MPRIP: variants seen among roughly 807,000 people sequenced by gnomAD.
The protein encoded by MPRIP is myosin phosphatase Rho-interacting protein.
Under a neutral mutation model 234.9 loss-of-function variants are expected in MPRIP, and 59 were observed. The observed-to-expected ratio is 0.25, with a 90% CI of 0.20 to 0.31. The LOEUF is 0.31. MPRIP is among the 10% of genes least tolerant of loss of function. The probability of loss-of-function intolerance (pLI) is 1.00; values close to 1 mark genes in which losing one functional copy is unlikely to be tolerated. For missense variants in MPRIP, 2,436 were observed against 3,071.0 expected (o/e 0.79, Z 4.89); for synonymous variants, 1,144 against 1,263.9 (o/e 0.91, Z 2.01).
intron 1 of MPRIP, among the ~76,000 whole-genome samples, chr17:17,046,239 T>C (rs1040466374): frequency 1.3e-5 from 2 of 152,274 alleles, no homozygotes; most frequent in Non-Finnish European, 2.9e-5. Flanking sequence ...CAGAACCATT[T>C]TGCATATTAG....
At chr17:17,083,899 A>G (rs2089524695) in intron 3 of MPRIP, among the ~76,000 whole-genome samples, 1 of 152,088 alleles carries the variant, frequency 6.6e-6, no homozygotes. Context: ...CCGCGCCACC[A>G]TGCCCGGCTA....
At chr17:17,132,276 G>A (rs930408836) in intron 5 of MPRIP, among the ~76,000 whole-genome samples, 8 of 152,170 alleles carry the variant, frequency 5.3e-5, no homozygotes, top group African/African-American at 1.4e-4. Context: ...GTCCTACACC[G>A]CCTTACCACA....
intron 7 of MPRIP, among the ~76,000 whole-genome samples, chr17:17,141,329 G>A (rs1400016188): frequency 6.6e-6 from 1 of 152,214 alleles, no homozygotes; most frequent in Non-Finnish European, 1.5e-5. Context: ...TGGAACTCCA[G>A]CAGCTTCCTT....
At chr17:17,047,078 G>T (rs995100180) in intron 1 of MPRIP, among the ~76,000 whole-genome samples, 21 of 152,338 alleles carry the variant, frequency 1.4e-4, no homozygotes, top group Non-Finnish European at 8.8e-5. Context: ...CTCCTTGGGA[G>T]GCTGAGGCAC....
chr17:17,148,769 A>G (rs1047951339), intron 11 of MPRIP, among the ~76,000 whole-genome samples: 1 of 152,144 alleles, frequency 6.6e-6, no homozygotes, highest in Admixed American at 6.5e-5. Context: ...GTGGTCATTA[A>G]TTTTGGGTGT....
At chr17:17,140,716 G>A (rs760918037) in intron 7 of MPRIP, among the ~76,000 whole-genome samples, 1 of 152,198 alleles carries the variant, frequency 6.6e-6, no homozygotes, top group East Asian at 1.9e-4. Flanking sequence ...CGATGTGTCC[G>A]TTCCTCAGAC....
At chr17:17,096,956 C>G (rs898128213) in intron 3 of MPRIP, 1 of 378,352 alleles carries the variant, frequency 2.6e-6, no homozygotes, top group Non-Finnish European at 5.4e-6. Flanking sequence ...TCGCAGGGAG[C>G]ATAAGCACTG....
At chr17:17,123,388 G>T (rs1034401738) in intron 3 of MPRIP, among the ~76,000 whole-genome samples, 1 of 152,158 alleles carries the variant, frequency 6.6e-6, no homozygotes, top group Non-Finnish European at 1.5e-5. Flanking sequence ...TAGGCCAGGG[G>T]CGGTGGCTTC....
In MPRIP at chr17:17,158,983, C is replaced by T. The variant is rs1389824535; in HGVS notation, c.2381C>T (p.Thr794Ile). The T allele has an allele frequency of 6.2e-6, 10 of 1,612,226 alleles. No individual in the cohort carries two copies. The highest frequency in any genetic ancestry group is 1.7e-4 in the Middle Eastern group (1 of 6,050). Residue 794 changes from threonine to isoleucine, a missense_variant, in exon 14 of 24, where the codon ACC becomes ATC. Around this residue, in one of 4 missense-constraint regions of MPRIP, gnomAD observed 1,998 missense variants for 2,520.3 expected, o/e 0.79. Coordinates refer to ENST00000651222, the MANE Select transcript of MPRIP (RefSeq NM_001364716.4). ...GACCGGCTCTCCACACACGAGCTGA[C>T]CTCTCTGCTCGAGAAGGAGGTAATA... ...GGDRLSTHEL[T>I]SLLEKELEQS... is the part of the protein sequence containing the mutation.
intron 1 of MPRIP, among the ~76,000 whole-genome samples, chr17:17,053,450 G>A (rs1308871712): frequency 1.3e-5 from 2 of 152,146 alleles, no homozygotes; most frequent in African/African-American, 2.4e-5. Context: ...GTTATATGGT[G>A]GGTGCTTAGT....
Position 17,100,119 on chromosome 17 carries a change from C to T in MPRIP, c.267+22043C>T, listed in dbSNP as rs534142097. ...CACCCTGCACTATAGCTGTCCTGGA[C>T]GGCGGGTTGAATAGAAGGGTACAGA... On this transcript the variant is annotated intron_variant, in intron 3 of 23. Coordinates refer to ENST00000651222, the MANE Select transcript of MPRIP (RefSeq NM_001364716.4). Among the ~76,000 whole-genome samples the T allele has an allele frequency of 5.3e-5, 8 of 152,168 alleles. No individual in the cohort carries two copies. The East Asian group carries it at 5.8e-4, about 11-fold the overall frequency.
At chr17:17,176,303 G>A (rs1287966651) in intron 20 of MPRIP, 123 bp from the exon 21 acceptor site, 10 of 723,404 alleles carry the variant, frequency 1.4e-5, no homozygotes, top group Non-Finnish European at 2.2e-5. Flanking sequence ...CCCGCATTGG[G>A]CACCACGAGG....
chr17:17,070,568 CA>C (rs1280688442), intron 1 of MPRIP, among the ~76,000 whole-genome samples: 2 of 152,194 alleles, frequency 1.3e-5, no homozygotes, highest in East Asian at 3.8e-4. Flanking sequence ...GCTTTTATTT[CA>C]GTTACCGTAT....
At chr17:17,043,081 G>A in intron 1 of MPRIP, 110 bp downstream of exon 1, 1 of 1,064,410 alleles carries the variant, frequency 9.4e-7, no homozygotes, top group Non-Finnish European at 1.4e-6. Flanking sequence ...GGAAATGCGC[G>A]AGTCCTGGGG....
At chr17:17,139,193 A>T (rs748566681) in intron 7 of MPRIP, among the ~76,000 whole-genome samples, 1 of 152,148 alleles carries the variant, frequency 6.6e-6, no homozygotes, top group Non-Finnish European at 1.5e-5. Context: ...AGAACTAGAG[A>T]AAGAGTTGGA....
chr17:17,125,619 G>A (rs1479408292), intron 3 of MPRIP, among the ~76,000 whole-genome samples: 1 of 152,238 alleles, frequency 6.6e-6, no homozygotes, highest in African/African-American at 2.4e-5. Context: ...GAAGGTCGGG[G>A]TGTGGAGAGT....
intron 12 of MPRIP, among the ~76,000 whole-genome samples, chr17:17,151,798 C>G: frequency 6.6e-6 from 1 of 152,214 alleles, no homozygotes; most frequent in East Asian, 1.9e-4. Flanking sequence ...AAAGTTAGTT[C>G]GTCACTCGCA....
intron 3 of MPRIP, among the ~76,000 whole-genome samples, chr17:17,090,383 C>T (rs1413449371): frequency 1.3e-5 from 2 of 152,148 alleles, no homozygotes; most frequent in Non-Finnish European, 2.9e-5. Context: ...TCCTCTGCCT[C>T]GATGGAAGGG....
chr17:17,161,713 A>G (rs1036639529), intron 15 of MPRIP, among the ~76,000 whole-genome samples: 1 of 152,240 alleles, frequency 6.6e-6, no homozygotes, highest in Non-Finnish European at 1.5e-5. Flanking sequence ...TTTTCACTAT[A>G]GTAATATTGG....
Sources: gnomAD v4.1 joint callset for allele counts (sites outside exome capture counted in the v4.1 genomes callset) on GRCh38, gnomAD v4.1.1 for gene constraint, gnomAD v4.1.1 regional missense constraint, MANE v1.5 for transcripts, NCBI Gene and HGNC (gene_info 2026-07-23, HGNC 2026-07-21) for gene names.